The following MRTFA variants were observed in gnomAD, a reference collection of about 807,000 sequenced individuals.
The protein encoded by MRTFA is myocardin related transcription factor A.
Under a neutral mutation model 83.5 loss-of-function variants are expected in MRTFA, and 20 were observed. The observed-to-expected ratio is 0.24, with a 90% confidence interval of 0.17 to 0.35. The LOEUF is 0.35. MRTFA is among the 10% of genes least tolerant of loss of function. The probability of loss-of-function intolerance (pLI) is 1.00; values close to 1 mark genes in which losing one functional copy is unlikely to be tolerated. For missense variants in MRTFA, 1,200 were observed against 1,224.7 expected (o/e 0.98, Z 0.30); for synonymous variants, 659 against 541.2 (o/e 1.22, Z -3.02).
chr22:40,603,543 C>T (rs953213166), intron 1 of MRTFA, among the ~76,000 whole-genome samples: 1 of 148,176 alleles, frequency 6.7e-6, no homozygotes, highest in East Asian at 2.0e-4. Flanking sequence ...AGTGGCTTAG[C>T]ACATGGAAAT....
Position 40,418,982 on chromosome 22 carries a change from G to A in MRTFA, c.1756C>T (p.Gln586Ter). 6.2e-7 allele frequency: 1 copy of A among 1,612,882 alleles called. No individual in the cohort carries two copies. The highest frequency in any genetic ancestry group is 8.5e-7 in the Non-Finnish European group (1 of 1,179,922). Residue 586 changes from glutamine (Q) to a stop codon, truncating the protein, a stop_gained, in exon 12 of 15, where the codon CAG becomes TAG. Transcript: ENST00000355630. LOFTEE classifies it high-confidence loss of function. ...AGTGGCGAGGCCTGCAGGGTCAGCT[G>A]CGTCAGAGGTGATGTCACCATCTCA...
intron 3 of MRTFA, among the ~76,000 whole-genome samples, chr22:40,472,686 C>T (rs1284308530): frequency 1.3e-5 from 2 of 152,160 alleles, no homozygotes; most frequent in African/African-American, 4.8e-5. Flanking sequence ...TAAACTCAGA[C>T]ATCTAGAGAA....
chr22:40,529,142 A>G (rs1202505718), intron 3 of MRTFA, among the ~76,000 whole-genome samples: 1 of 152,128 alleles, frequency 6.6e-6, no homozygotes, highest in Non-Finnish European at 1.5e-5. Context: ...GCCCTATGAT[A>G]CTTCCTTTTA....
chr22:40,528,994 A>G (rs1468199368), intron 3 of MRTFA, among the ~76,000 whole-genome samples: 1 of 152,180 alleles, frequency 6.6e-6, no homozygotes, highest in Non-Finnish European at 1.5e-5. Context: ...AAGAGATCCA[A>G]AAAGTAGGTA....
At chr22:40,424,944 G>A (rs570232077) in intron 7 of MRTFA, among the ~76,000 whole-genome samples, 2 of 152,224 alleles carry the variant, frequency 1.3e-5, no homozygotes. Flanking sequence ...CCTGGCTCTG[G>A]GCTTCAGATG....
chr22:40,427,458 A>G (rs944251202), intron 7 of MRTFA, among the ~76,000 whole-genome samples: 4 of 152,108 alleles, frequency 2.6e-5, no homozygotes, highest in Non-Finnish European at 5.9e-5. Context: ...CCTCTGCCCA[A>G]AACTAAAACT....
intron 1 of MRTFA, among the ~76,000 whole-genome samples, chr22:40,614,583 G>A (rs2056428032): frequency 6.6e-6 from 1 of 152,124 alleles, no homozygotes; most frequent in African/African-American, 2.4e-5. Context: ...CGCATCCTGG[G>A]TTCAAGGGAT....
At chr22:40,421,229 T>A in intron 9 of MRTFA, 129 bp from the exon 10 acceptor site, 2 of 1,098,818 alleles carry the variant, frequency 1.8e-6, no homozygotes, top group Non-Finnish European at 2.5e-6. Context: ...CCATTTCCAC[T>A]CTTCCCTGTG....
rs548691682 is a variant in MRTFA at position 40,472,210 on chromosome 22, C to T, written c.242-8924G>A. ...TAATTGGTCTGGAATGGGGCCTAGA[C>T]CTCATCTCTTTAAAAAGCTTAGCAG... On this transcript the variant is annotated intron_variant, in intron 3 of 14. Coordinates refer to ENST00000355630, the MANE Select transcript of MRTFA (RefSeq NM_020831.6). 5.3e-5 allele frequency among the ~76,000 whole-genome samples: 8 copies of T among 152,284 alleles called. No homozygotes were observed. In the East Asian group the frequency reaches 7.7e-4, roughly 15 times the overall value.
At chr22:40,441,111 G>C (rs1265081071) in intron 4 of MRTFA, among the ~76,000 whole-genome samples, 1 of 152,182 alleles carries the variant, frequency 6.6e-6, no homozygotes, top group East Asian at 1.9e-4. Flanking sequence ...GTGTTTATAA[G>C]AATATATATA....
chr22:40,563,333 C>T (rs1348388472), intron 2 of MRTFA, among the ~76,000 whole-genome samples: 1 of 152,086 alleles, frequency 6.6e-6, no homozygotes, highest in African/African-American at 2.4e-5. Context: ...ATTGATCTCC[C>T]AGTAGATGGT....
chr22:40,436,764 C>T (rs1569264260), intron 4 of MRTFA, among the ~76,000 whole-genome samples: 1 of 152,216 alleles, frequency 6.6e-6, no homozygotes, highest in Non-Finnish European at 1.5e-5. Context: ...TGGTCAGTTT[C>T]ACTTCTCCTG....
intron 1 of MRTFA, among the ~76,000 whole-genome samples, chr22:40,618,992 A>T (rs77149669): frequency 8.0e-4 from 120 of 149,104 alleles, no homozygotes; most frequent in East Asian, 2.0e-3. Context: ...AATAATTAAA[A>T]ATATATATAT....
rs538029235 is a variant in MRTFA at position 40,572,362 on chromosome 22, G to C, written c.-21-19995C>G. ...CAGAGGTGCACATCTATAGTCCCAG[G>C]TACTTGAAAGGTTGAGGTCTGAGAA... On this transcript the variant is annotated intron_variant, in intron 2 of 14. Coordinates refer to ENST00000355630, the MANE Select transcript of MRTFA (RefSeq NM_020831.6). 3.9e-5 allele frequency among the ~76,000 whole-genome samples: 6 copies of C among 152,180 alleles called. No homozygotes were observed. The South Asian group carries it at 1.0e-3, about 26-fold the overall frequency.
intron 4 of MRTFA, among the ~76,000 whole-genome samples, chr22:40,450,016 G>T (rs2147126535): frequency 6.6e-6 from 1 of 152,326 alleles, no homozygotes; most frequent in Non-Finnish European, 1.5e-5. Context: ...AATGGAGAGG[G>T]TCCCTCACAC....
chr22:40,534,850 C>A (rs560963207), intron 3 of MRTFA, among the ~76,000 whole-genome samples: 1 of 152,214 alleles, frequency 6.6e-6, no homozygotes, highest in South Asian at 2.1e-4. Context: ...GCCAATAGCC[C>A]AGCGAATACC....
intron 12 of MRTFA, among the ~76,000 whole-genome samples, chr22:40,417,957 G>C (rs1349328976): frequency 6.6e-6 from 1 of 152,158 alleles, no homozygotes; most frequent in Non-Finnish European, 1.5e-5. Context: ...CCTTGGTGGG[G>C]ACAGCTAGCC....
chr22:40,543,228 T>C lies in MRTFA; in HGVS notation c.241+8878A>G, dbSNP rs530591350. 7.9e-5 allele frequency among the ~76,000 whole-genome samples: 12 copies of C among 152,250 alleles called. No individual in the cohort carries two copies. The South Asian group carries it at 2.5e-3, about 32-fold the overall frequency. ...AAAACTCTTTCCTTTCCCCAAGAAATACTGTAATTTGGATCAGAAACTGCC... is the reference window on the plus strand; with the variant it reads ...AAAACTCTTTCCTTTCCCCAAGAAACACTGTAATTTGGATCAGAAACTGCC... On this transcript the variant is annotated intron_variant, in intron 3 of 14. Coordinates refer to ENST00000355630, the MANE Select transcript of MRTFA (RefSeq NM_020831.6).
At chr22:40,512,908 T>C (rs754795367) in intron 3 of MRTFA, among the ~76,000 whole-genome samples, 8 of 152,264 alleles carry the variant, frequency 5.3e-5, no homozygotes, top group Non-Finnish European at 1.0e-4. Flanking sequence ...ATCTTTATCA[T>C]GATTAGTTAT....
Sources: allele counts gnomAD v4.1 joint callset (sites outside exome capture counted in the v4.1 genomes callset), GRCh38; gene constraint gnomAD v4.1.1; transcripts MANE v1.5; gene names NCBI Gene and HGNC (gene_info 2026-07-23, HGNC 2026-07-21).